Variants in SGSM1 observed in about 807,000 individuals in gnomAD.
SGSM1 encodes the protein small G protein signaling modulator 1, also known as RUN and TBC1 domain containing 2.
Under a neutral mutation model 133.8 loss-of-function variants are expected in SGSM1, and 73 were observed. The observed-to-expected ratio is 0.55, with a 90% confidence interval of 0.45 to 0.66. The LOEUF is 0.66. SGSM1 is among the 30% of genes least tolerant of loss of function. SGSM1 has a pLI of 0.00. For synonymous variants in SGSM1, 563 were observed against 573.0 expected, an observed-to-expected ratio of 0.98 and a Z score of 0.25; for missense variants, 1,213 against 1,448.1, an observed-to-expected ratio of 0.84 and a Z score of 2.64.
chr22:24,843,014 G>T (rs1285686149), intron 2 of SGSM1, among the ~76,000 whole-genome samples: 5 of 151,956 alleles, frequency 3.3e-5, no homozygotes, highest in Admixed American at 2.0e-4. Context: ...AGGTACAGCA[G>T]CAGGAGCCAT....
At chr22:24,874,625 C>T in intron 12 of SGSM1, 2 of 1,523,630 alleles carry the variant, frequency 1.3e-6, no homozygotes, top group Non-Finnish European at 1.8e-6. Flanking sequence ...GTGCCAGCCA[C>T]CTCTGCCATG....
chr22:24,915,583 A>G (rs1027959880), intron 22 of SGSM1, among the ~76,000 whole-genome samples: 6 of 152,220 alleles, frequency 3.9e-5, no homozygotes, highest in African/African-American at 1.4e-4. Flanking sequence ...ATAGGTGTAT[A>G]TATATGTGGA....
Position 24,854,096 on chromosome 22 carries a change from T to C in SGSM1, c.456-900T>C, listed in dbSNP as rs182540240. 1.5e-3 allele frequency among the ~76,000 whole-genome samples: 227 copies of C among 152,278 alleles called. 1 individual carries two copies. Among genetic ancestry groups the C allele is most frequent in the African/African-American group, 5.0e-3 (209 of 41,560 alleles). ...GGGTCCCTCCCACAATATGTGGGAATTCTGGGAGATACAATTCAAGTTGGG... is the reference window on the plus strand; with the variant it reads ...GGGTCCCTCCCACAATATGTGGGAACTCTGGGAGATACAATTCAAGTTGGG... On this transcript the variant is annotated intron_variant, in intron 5 of 24. Coordinates refer to ENST00000400358, the MANE Select transcript of SGSM1 (RefSeq NM_001098497.3).
chr22:24,839,430 A>G (rs565288574), intron 2 of SGSM1, among the ~76,000 whole-genome samples: 5 of 152,300 alleles, frequency 3.3e-5, no homozygotes, highest in African/African-American at 1.2e-4. Flanking sequence ...TCTTGCATGC[A>G]TATTTATCAT....
intron 2 of SGSM1, among the ~76,000 whole-genome samples, chr22:24,822,360 G>C (rs1928534371): frequency 6.6e-6 from 1 of 151,966 alleles, no homozygotes; most frequent in African/African-American, 2.4e-5. Flanking sequence ...CCAAAGTTCT[G>C]GGATTACAGG....
At chr22:24,913,179 G>C (rs1378536554) in intron 22 of SGSM1, among the ~76,000 whole-genome samples, 1 of 151,544 alleles carries the variant, frequency 6.6e-6, no homozygotes, top group South Asian at 2.1e-4. Context: ...TGTAGTCCCA[G>C]CTACTCTGGA....
intron 3 of SGSM1, among the ~76,000 whole-genome samples, chr22:24,846,502 A>G (rs1274241068): frequency 6.6e-6 from 1 of 152,146 alleles, no homozygotes; most frequent in African/African-American, 2.4e-5. Context: ...TTGCTAGCCT[A>G]CCTACCAATT....
chr22:24,863,347 C>T (rs902950134), intron 9 of SGSM1, among the ~76,000 whole-genome samples: 4 of 152,104 alleles, frequency 2.6e-5, no homozygotes, highest in Non-Finnish European at 5.9e-5. Flanking sequence ...TTAGTAGAGA[C>T]GGGGTTTCAC....
chr22:24,917,036 G>T (rs1601996818), intron 22 of SGSM1, among the ~76,000 whole-genome samples: 1 of 148,508 alleles, frequency 6.7e-6, no homozygotes, highest in Admixed American at 6.8e-5. Flanking sequence ...AGGCCACCAT[G>T]CCAGGCTAAT....
chr22:24,811,039 A>T (rs976052583), intron 2 of SGSM1, among the ~76,000 whole-genome samples: 3 of 152,314 alleles, frequency 2.0e-5, no homozygotes, highest in Non-Finnish European at 1.5e-5. Context: ...TGACTTTCAG[A>T]TAAACAGTGA....
intron 3 of SGSM1, among the ~76,000 whole-genome samples, chr22:24,846,046 T>C (rs1378057193): frequency 1.4e-5 from 2 of 148,064 alleles, no homozygotes; most frequent in East Asian, 3.9e-4. Context: ...TCTTTCTTTT[T>C]TTTTTTTTTT....
At chr22:24,900,413 T>TTCTCTCTTTCTCTC (rs1555935573) in intron 19 of SGSM1, among the ~76,000 whole-genome samples, 6 of 141,932 alleles carry the variant, frequency 4.2e-5, no homozygotes, top group African/African-American at 1.5e-4. Context: ...CTTTCTGTAT[T>TTCTCTCTTTCTCTC]TTTGAGACAG....
rs775188690 is a variant in SGSM1, at chr22:24,905,232, T to C, written c.2818+45T>C. On this transcript the variant is annotated intron_variant, in intron 21 of 24. Transcript: ENST00000400358. ...CCTAGGGCTGAGGGTGCATTTCCTT[T>C]CCACTGCATGGCAGAAGGCTTAATC... The C allele has an allele frequency of 3.2e-6, 5 of 1,560,676 alleles. 1 individual carries two copies. The highest frequency in any genetic ancestry group is 2.2e-5 in the South Asian group (2 of 90,012).
At chr22:24,810,344 T>A (rs965812948) in intron 2 of SGSM1, among the ~76,000 whole-genome samples, 1 of 151,830 alleles carries the variant, frequency 6.6e-6, no homozygotes, top group African/African-American at 2.4e-5. Flanking sequence ...AAGCATCCTT[T>A]TTTTTTTTCC....
At chr22:24,817,588 C>T (rs970300871) in intron 2 of SGSM1, among the ~76,000 whole-genome samples, 3 of 152,082 alleles carry the variant, frequency 2.0e-5, no homozygotes, top group Non-Finnish European at 2.9e-5. Flanking sequence ...ACTGACCTCG[C>T]GATCTTCCCA....
At chr22:24,913,682 T>C (rs1933716290) in intron 22 of SGSM1, among the ~76,000 whole-genome samples, 1 of 152,154 alleles carries the variant, frequency 6.6e-6, no homozygotes, top group South Asian at 2.1e-4. Context: ...AAGAGTAATA[T>C]AATGAACACC....
At chr22:24,916,167 T>C (rs1195439954) in intron 22 of SGSM1, among the ~76,000 whole-genome samples, 1 of 152,124 alleles carries the variant, frequency 6.6e-6, no homozygotes, top group Non-Finnish European at 1.5e-5. Context: ...TTTCAGAACA[T>C]TTTCATTACC....
At chr22:24,900,688 C>T (rs1933128438) in intron 19 of SGSM1, among the ~76,000 whole-genome samples, 1 of 152,174 alleles carries the variant, frequency 6.6e-6, no homozygotes, top group Admixed American at 6.6e-5. Context: ...TGAGCCACGG[C>T]GCCCCGCCTT....
chr22:24,830,810 T>C (rs1418924640), intron 2 of SGSM1, among the ~76,000 whole-genome samples: 1 of 152,174 alleles, frequency 6.6e-6, no homozygotes, highest in Non-Finnish European at 1.5e-5. Flanking sequence ...GCATTTGCAT[T>C]TCCAGCCAGT....
Sources: allele counts gnomAD v4.1 joint callset (sites outside exome capture counted in the v4.1 genomes callset), GRCh38; gene constraint gnomAD v4.1.1; transcripts MANE v1.5; gene names NCBI Gene and HGNC (gene_info 2026-07-23, HGNC 2026-07-21).